DLG2: variants seen among roughly 807,000 people sequenced by gnomAD.
DLG2 encodes the protein disks large homolog 2.
Under a neutral mutation model 132.5 loss-of-function variants are expected in DLG2, and 45 were observed. The observed-to-expected ratio is 0.34, with a 90% confidence interval of 0.27 to 0.44. DLG2 has a LOEUF of 0.44. Among genes scored for constraint, DLG2 ranks in the 20% least tolerant of loss-of-function variants. The pLI is 1.00. For synonymous variants in DLG2, 424 were observed against 419.6 expected, an observed-to-expected ratio of 1.01 and a Z score of -0.13; for missense variants, 1,045 against 1,196.9, an observed-to-expected ratio of 0.87 and a Z score of 1.87.
chr11:84,640,191 C>T (rs758456183), intron 6 of DLG2: 1 of 269,554 alleles, frequency 3.7e-6, no homozygotes, highest in Non-Finnish European at 7.1e-6. Flanking sequence ...GACCTGGCTA[C>T]TGTCTGTACT....
intron 5 of DLG2, among the ~76,000 whole-genome samples, chr11:85,134,326 G>A (rs2075984549): frequency 6.7e-6 from 1 of 148,910 alleles, no homozygotes; most frequent in Non-Finnish European, 1.5e-5. Flanking sequence ...TCAGGAGATC[G>A]AGACCATCCC....
At chr11:84,166,164 G>T (rs1314441799) in intron 8 of DLG2, among the ~76,000 whole-genome samples, 3 of 152,082 alleles carry the variant, frequency 2.0e-5, no homozygotes, top group African/African-American at 7.2e-5. Flanking sequence ...ACAAGAAATG[G>T]CAAATATCTT....
At chr11:83,870,075 C>T (rs566560555) in intron 16 of DLG2, among the ~76,000 whole-genome samples, 3 of 152,290 alleles carry the variant, frequency 2.0e-5, no homozygotes, top group African/African-American at 7.2e-5. Flanking sequence ...TTTGTGCCAC[C>T]TCCCCTGAGA....
chr11:84,787,759 A>T (rs2073155956), intron 6 of DLG2, among the ~76,000 whole-genome samples: 1 of 152,104 alleles, frequency 6.6e-6, no homozygotes, highest in Non-Finnish European at 1.5e-5. Context: ...ATTGCAGAAC[A>T]TCCATTAAAC....
chr11:84,710,199 A>G (rs1436157881), intron 6 of DLG2, among the ~76,000 whole-genome samples: 2 of 151,982 alleles, frequency 1.3e-5, no homozygotes, highest in Non-Finnish European at 2.9e-5. Context: ...GGTTAGTCCA[A>G]TCTGCTTTGT....
chr11:83,577,458 G>GAT (rs569581992), intron 19 of DLG2, among the ~76,000 whole-genome samples: 22 of 126,438 alleles, frequency 1.7e-4, no homozygotes, highest in Admixed American at 8.3e-4. Flanking sequence ...GAACTAATAG[G>GAT]ATATATATAT....
intron 18 of DLG2, among the ~76,000 whole-genome samples, chr11:83,719,869 A>C (rs1014285694): frequency 1.3e-5 from 2 of 152,214 alleles, no homozygotes; most frequent in Non-Finnish European, 2.9e-5. Flanking sequence ...GAGACAGGAG[A>C]AAACACCAGT....
At chr11:84,364,546 T>A (rs568604244) in intron 7 of DLG2, among the ~76,000 whole-genome samples, 22 of 152,288 alleles carry the variant, frequency 1.4e-4, no homozygotes, top group Admixed American at 1.0e-3. Context: ...TCCAACACTA[T>A]GTCGAATAGG....
intron 18 of DLG2, among the ~76,000 whole-genome samples, chr11:83,681,244 T>A (rs1209551726): frequency 2.0e-5 from 3 of 152,148 alleles, no homozygotes; most frequent in African/African-American, 7.2e-5. Context: ...GCAGAGAGTC[T>A]AAGAAGGTAC....
intron 3 of DLG2, among the ~76,000 whole-genome samples, chr11:85,296,041 T>C (rs1263288743): frequency 6.6e-6 from 1 of 152,198 alleles, no homozygotes; most frequent in Admixed American, 6.5e-5. Flanking sequence ...TTTTACATGC[T>C]GTGAACACAG....
At chr11:84,605,334 TTC>T (rs1401020754) in intron 6 of DLG2, among the ~76,000 whole-genome samples, 10 of 151,930 alleles carry the variant, frequency 6.6e-5, no homozygotes, top group Non-Finnish European at 1.2e-4. Flanking sequence ...TACTGAAGTA[TTC>T]TGTCATATTA....
chr11:84,709,897 G>A (rs148479766), intron 6 of DLG2, among the ~76,000 whole-genome samples: 240 of 151,948 alleles, frequency 1.6e-3, no homozygotes, highest in African/African-American at 5.4e-3. Context: ...TTAAAAAACT[G>A]AGATTTACTC....
chr11:83,505,372 T>C (rs1455671703), intron 21 of DLG2, among the ~76,000 whole-genome samples: 1 of 152,078 alleles, frequency 6.6e-6, no homozygotes, highest in Non-Finnish European at 1.5e-5. Flanking sequence ...ATAATCTCCA[T>C]CCCTGCCACC....
At chr11:84,533,704 G>A (rs1251208766) in intron 7 of DLG2, among the ~76,000 whole-genome samples, 1 of 151,950 alleles carries the variant, frequency 6.6e-6, no homozygotes, top group Non-Finnish European at 1.5e-5. Context: ...CTGTGTAGAA[G>A]TGCTGGCAAA....
At chr11:84,992,475 G>T (rs2057225154) in intron 6 of DLG2, among the ~76,000 whole-genome samples, 1 of 152,074 alleles carries the variant, frequency 6.6e-6, no homozygotes, top group Non-Finnish European at 1.5e-5. Context: ...CTTCTCTTTA[G>T]CATCTCCTGA....
Position 84,856,660 on chromosome 11 carries a change from C to A in DLG2, c.357+255001G>T, listed in dbSNP as rs902574006. On this transcript the variant is annotated intron_variant, in intron 6 of 27. Transcript: ENST00000376104. ...TCACCTCACTTCCATGCTTGTCAGTCTGTATTCTAAATTGAAAATCAGATC... is the reference window on the plus strand; with the variant it reads ...TCACCTCACTTCCATGCTTGTCAGTATGTATTCTAAATTGAAAATCAGATC... Among the ~76,000 whole-genome samples the A allele has an allele frequency of 1.8e-4, 27 of 152,014 alleles. 1 individual carries two copies. Among genetic ancestry groups the A allele is most frequent in the African/African-American group, 5.3e-4 (22 of 41,388 alleles).
rs200413112 is a variant in DLG2 at position 84,934,511 on chromosome 11, TTTTG to T, written c.357+177146_357+177149del. On this transcript the variant is annotated intron_variant, in intron 6 of 27. Coordinates refer to ENST00000376104, the MANE Select transcript of DLG2 (RefSeq NM_001142699.3). ...ATCTGTATGGTCCTGGGTGTTTTTT[TTTTG>T]TTTTGTTTTGTTTTTTTTTTTTTTT... Among the ~76,000 whole-genome samples the T allele has an allele frequency of 1.3e-3, 105 of 82,608 alleles. 2 individuals are homozygous for T. The East Asian group carries it at 0.027, about 21-fold the overall frequency. The allele number at this position is 82,608 out of a possible 152,430, so 54.2% of individuals were successfully genotyped here.
chr11:85,432,056 A>C (rs768523324), intron 3 of DLG2, among the ~76,000 whole-genome samples: 12 of 152,222 alleles, frequency 7.9e-5, no homozygotes, highest in Non-Finnish European at 8.8e-5. Context: ...AACTCCCAGC[A>C]AACCACAGCA....
At chr11:83,685,961 T>C (rs953246255) in intron 18 of DLG2, among the ~76,000 whole-genome samples, 3 of 152,092 alleles carry the variant, frequency 2.0e-5, no homozygotes, top group African/African-American at 7.2e-5. Context: ...CCATGCCTTA[T>C]TCATCATCAA....
Sources: gnomAD v4.1 joint callset for allele counts (sites outside exome capture counted in the v4.1 genomes callset) on GRCh38, gnomAD v4.1.1 for gene constraint, MANE v1.5 for transcripts, NCBI Gene and HGNC (gene_info 2026-07-23, HGNC 2026-07-21) for gene names.